DCBLD2: variants seen among roughly 807,000 people sequenced by gnomAD.
DCBLD2 encodes discoidin, CUB and LCCL domain-containing protein 2.
DCBLD2 carries 54 observed loss-of-function variants against 86.8 expected under a neutral mutation model. The ratio of observed to expected loss-of-function variants is 0.62; its 90% CI spans 0.50 to 0.78. The LOEUF (loss-of-function observed/expected upper bound fraction) is 0.78, where lower values mean the gene tolerates loss of function less well. Ranked by LOEUF, DCBLD2 falls within the 30% of genes least tolerant of loss-of-function variation. DCBLD2 has a pLI of 0.00. For missense variants in DCBLD2, 908 were observed against 954.2 expected (o/e 0.95, Z 0.64); for synonymous variants, 354 against 341.3 (o/e 1.04, Z -0.41).
chr3:98,869,063 C>A (rs1943212796), intron 2 of DCBLD2, among the ~76,000 whole-genome samples: 2 of 152,176 alleles, frequency 1.3e-5, no homozygotes, highest in African/African-American at 4.8e-5. Flanking sequence ...AGAGGTTGAA[C>A]TAATTTACAT....
intron 3 of DCBLD2, among the ~76,000 whole-genome samples, chr3:98,834,574 T>C (rs1323461442): frequency 3.6e-4 from 54 of 152,076 alleles, no homozygotes; most frequent in Non-Finnish European, 7.4e-4. Flanking sequence ...ATGCTTGGCT[T>C]ATTTCACAAC....
At chr3:98,881,405 T>C (rs755851623) in intron 2 of DCBLD2, 135 bp downstream of exon 2, 2 of 778,588 alleles carry the variant, frequency 2.6e-6, no homozygotes, top group Non-Finnish European at 4.1e-6. Context: ...AGATTCAAAT[T>C]CAAAATTTTT....
intron 1 of DCBLD2, among the ~76,000 whole-genome samples, chr3:98,897,255 C>T (rs1427736330): frequency 6.6e-6 from 1 of 152,116 alleles, no homozygotes; most frequent in Non-Finnish European, 1.5e-5. Context: ...AATTTACCTG[C>T]AATCTTAGAA....
At chr3:98,868,515 T>C (rs1943200926) in intron 2 of DCBLD2, among the ~76,000 whole-genome samples, 1 of 152,194 alleles carries the variant, frequency 6.6e-6, no homozygotes, top group South Asian at 2.1e-4. Context: ...GTTACACAGA[T>C]AAATTTTATA....
intron 2 of DCBLD2, among the ~76,000 whole-genome samples, chr3:98,859,911 C>T (rs565908534): frequency 2.0e-5 from 3 of 152,158 alleles, no homozygotes; most frequent in East Asian, 1.9e-4. Context: ...AGGCTTCAGA[C>T]CATCAAACTT....
At chr3:98,807,241 T>C (rs1267529283) in intron 13 of DCBLD2, among the ~76,000 whole-genome samples, 1 of 152,180 alleles carries the variant, frequency 6.6e-6, no homozygotes, top group East Asian at 1.9e-4. Context: ...ACTCAAACAA[T>C]TGGCTCAGGT....
At chr3:98,878,466 C>G (rs563902370) in intron 2 of DCBLD2, among the ~76,000 whole-genome samples, 3 of 151,664 alleles carry the variant, frequency 2.0e-5, no homozygotes, top group African/African-American at 7.3e-5. Context: ...TGCTTGTTTT[C>G]TAAAGGGGCA....
chr3:98,861,180 CTAAA>C (rs969376009), intron 2 of DCBLD2, among the ~76,000 whole-genome samples: 2 of 152,150 alleles, frequency 1.3e-5, no homozygotes, highest in African/African-American at 4.8e-5. Context: ...GCTAACTATC[CTAAA>C]TATATATGCA....
chr3:98,812,627 T>C, intron 9 of DCBLD2, 145 bp from the exon 10 acceptor site: 1 of 628,290 alleles, frequency 1.6e-6, no homozygotes. Flanking sequence ...TTTAAGAAAA[T>C]AATCATAATT....
intron 2 of DCBLD2, among the ~76,000 whole-genome samples, chr3:98,856,958 A>G (rs2454675): frequency 0.98 from 149,791 of 152,346 alleles, 73,697 homozygotes; most frequent in Middle Eastern, 1. Flanking sequence ...AAGTGTGTCC[A>G]GAATTGGTGG....
At chr3:98,853,377 A>G (rs1267851116) in intron 2 of DCBLD2, among the ~76,000 whole-genome samples, 1 of 152,268 alleles carries the variant, frequency 6.6e-6, no homozygotes, top group African/African-American at 2.4e-5. Flanking sequence ...GTCCTTAAGT[A>G]GCAGCTGTCC....
At chr3:98,899,187 TA>T (rs200306364) in intron 1 of DCBLD2, among the ~76,000 whole-genome samples, 3,918 of 150,690 alleles carry the variant, frequency 0.026, 50 homozygotes, top group African/African-American at 0.029. Flanking sequence ...AATGTTCTGG[TA>T]AAAAAAAATT....
intron 2 of DCBLD2, among the ~76,000 whole-genome samples, chr3:98,879,345 T>G (rs1007902731): frequency 6.6e-6 from 1 of 152,222 alleles, no homozygotes; most frequent in African/African-American, 2.4e-5. Flanking sequence ...ACAGTCATTC[T>G]TTACCATCAC....
rs755737548 is a variant in DCBLD2 at position 98,849,442 on chromosome 3, T to TG, written c.571+18dup. Reference sequence around the variant, plus strand: ...AGAAATTACAAACTGTAGGAACCATTGCAAAAGGTGAAAATTACCTTGTTT... The same window carrying TG: ...AGAAATTACAAACTGTAGGAACCATTGGCAAAAGGTGAAAATTACCTTGTTT... On this transcript the variant is annotated intron_variant, in intron 3 of 15. Coordinates refer to ENST00000326840, the MANE Select transcript of DCBLD2 (RefSeq NM_080927.4). 7 of 1,613,886 alleles carry TG rather than the reference T, an allele frequency of 4.3e-6. No individual in the cohort carries two copies. In the South Asian group the frequency reaches 7.7e-5, roughly 18 times the overall value.
At chr3:98,857,737 T>C (rs1282449751) in intron 2 of DCBLD2, among the ~76,000 whole-genome samples, 1 of 151,468 alleles carries the variant, frequency 6.6e-6, no homozygotes, top group East Asian at 2.0e-4. Flanking sequence ...CTAGAGTAGC[T>C]AGATACAGTC....
chr3:98,901,165 T>G lies in DCBLD2; in HGVS notation c.162A>C (p.Leu54Phe). The stretch of plus-strand genomic sequence containing the variant: ...CCTCGAGCAGCAGGAGCAGGACAAG[T>G]AAGAGCAGGAGGAACAGAGGCATGG... ...SFSMPLFLLL[L>F]LVLLLLLEDA... is the part of the protein sequence containing the mutation. Residue 54 changes from leucine to phenylalanine, a missense_variant, in exon 1 of 16, where the codon TTA becomes TTC. Physicochemically the swap from Leu to Phe is conservative, Grantham distance 22. Transcript: ENST00000326840. 2 of 1,538,288 alleles carry G rather than the reference T, an allele frequency of 1.3e-6. No homozygotes were observed. Among genetic ancestry groups the G allele is most frequent in the Middle Eastern group, 1.8e-4 (1 of 5,644 alleles).
intron 3 of DCBLD2, among the ~76,000 whole-genome samples, chr3:98,848,014 G>A (rs531907803): frequency 1.3e-5 from 2 of 152,080 alleles, no homozygotes; most frequent in Non-Finnish European, 2.9e-5. Context: ...TACATGTGCA[G>A]GTTTGTTCCA....
chr3:98,883,587 G>T (rs1943511369), intron 1 of DCBLD2, among the ~76,000 whole-genome samples: 1 of 152,060 alleles, frequency 6.6e-6, no homozygotes, highest in African/African-American at 2.4e-5. Flanking sequence ...CACCCAGAAG[G>T]AAAAATTAAT....
At chr3:98,893,812 G>C (rs1054109430) in intron 1 of DCBLD2, among the ~76,000 whole-genome samples, 1 of 152,284 alleles carries the variant, frequency 6.6e-6, no homozygotes, top group Admixed American at 6.5e-5. Flanking sequence ...AGAGGACAAG[G>C]TTTCAGTCAG....
Sources: gnomAD v4.1 joint callset for allele counts (sites outside exome capture counted in the v4.1 genomes callset) on GRCh38, gnomAD v4.1.1 for gene constraint, MANE v1.5 for transcripts, NCBI Gene and HGNC (gene_info 2026-07-23, HGNC 2026-07-21) for gene names.